The following TECPR2 variants were observed in gnomAD, a reference collection of about 807,000 sequenced individuals.
The protein encoded by TECPR2 is tectonin beta-propeller repeat containing 2, also known as tectonin beta-propeller repeat-containing protein 2.
A neutral mutation model predicts 138.1 loss-of-function variants in TECPR2; 65 were observed. The observed-to-expected ratio is 0.47, with a 90% CI of 0.39 to 0.58. The LOEUF is 0.58. Among genes scored for constraint, TECPR2 ranks in the 20% least tolerant of loss-of-function variants. The pLI is 0.00. For synonymous variants in TECPR2, 746 were observed against 749.8 expected (o/e 0.99, Z 0.08); for missense variants, 1,553 against 1,824.5 (o/e 0.85, Z 2.71).
At chr14:102,412,488 TA>T (rs1888908787) in intron 4 of TECPR2, among the ~76,000 whole-genome samples, 1 of 152,114 alleles carries the variant, frequency 6.6e-6, no homozygotes, top group Non-Finnish European at 1.5e-5. Flanking sequence ...AACATCATTG[TA>T]ATCGGGAAAG....
intron 16 of TECPR2, among the ~76,000 whole-genome samples, chr14:102,455,866 G>A (rs934358117): frequency 1.3e-5 from 2 of 152,100 alleles, no homozygotes; most frequent in African/African-American, 2.4e-5. Flanking sequence ...GCCTGCCTCC[G>A]CCTCCCAAAG....
At position 102,441,696 on chromosome 14, in the gene TECPR2, A is replaced by G. The variant is rs561655771; in HGVS notation, c.2752+1087A>G. ...ACAGGGCGAGACTCCGTCTCAAAAC[A>G]AAACAAAACAAAAATAGCAGTTCAG... On this transcript the variant is annotated intron_variant, in intron 11 of 19. Transcript: ENST00000359520. Among the ~76,000 whole-genome samples, 95 of 152,210 alleles carry G rather than the reference A, an allele frequency of 6.2e-4. No individual in the cohort carries two copies. The Middle Eastern group carries it at 0.01, about 16-fold the overall frequency.
chr14:102,479,302 T>C (rs906502023), intron 17 of TECPR2, among the ~76,000 whole-genome samples: 1 of 152,190 alleles, frequency 6.6e-6, no homozygotes, highest in Non-Finnish European at 1.5e-5. Context: ...TTGGGAGGAC[T>C]GTCTGCTGCT....
intron 2 of TECPR2, among the ~76,000 whole-genome samples, chr14:102,396,453 C>T (rs1418711946): frequency 6.6e-6 from 1 of 152,094 alleles, no homozygotes; most frequent in East Asian, 1.9e-4. Flanking sequence ...TCAGCATTTT[C>T]GTCATTAGAA....
rs565236204 is a variant in TECPR2 at position 102,428,222 on chromosome 14, G to GTTTTTTTTTTTTTTTT, written c.952-21_952-6dup. 179 of 1,058,628 alleles carry GTTTTTTTTTTTTTTTT rather than the reference G, an allele frequency of 1.7e-4. 8 individuals carry two copies. Among genetic ancestry groups the GTTTTTTTTTTTTTTTT allele is most frequent in the South Asian group, 6.8e-4 (35 of 51,644 alleles). 65.6% of individuals were successfully genotyped at this position (1,058,628 alleles called of 1,614,324 possible). ...ACCGTTGTTTAGTTTTGTGTTTTTT[G>GTTTTTTTTTTTTTTTT]TTTTTTTTTTTTTTTTTTTTTTGAC... is the stretch of plus-strand genomic sequence containing the variant. On this transcript the variant is annotated intron_variant, in intron 6 of 19. Transcript: ENST00000359520.
At chr14:102,469,837 T>G (rs2139775904) in intron 17 of TECPR2, among the ~76,000 whole-genome samples, 1 of 152,324 alleles carries the variant, frequency 6.6e-6, no homozygotes, top group Middle Eastern at 3.4e-3. Flanking sequence ...GCTTTTTCTA[T>G]GCCTATTGAG....
At chr14:102,493,323 G>A (rs1008153809) in intron 17 of TECPR2, among the ~76,000 whole-genome samples, 4 of 152,108 alleles carry the variant, frequency 2.6e-5, no homozygotes, top group African/African-American at 4.8e-5. Flanking sequence ...TCTTCTCCAC[G>A]CGGCCTTCCG....
chr14:102,478,901 C>G (rs1890824706), intron 17 of TECPR2, among the ~76,000 whole-genome samples: 1 of 151,404 alleles, frequency 6.6e-6, no homozygotes, highest in Non-Finnish European at 1.5e-5. Context: ...CCTGTAATTT[C>G]AGCTACTCGG....
intron 16 of TECPR2, among the ~76,000 whole-genome samples, chr14:102,454,160 A>C (rs1890220123): frequency 6.7e-6 from 1 of 148,150 alleles, no homozygotes; most frequent in South Asian, 2.1e-4. Context: ...TCTCAAAAGA[A>C]AAAAAAAAAA....
chr14:102,489,493 TCAGGAGTTCAAGAC>T (rs1484010232), intron 17 of TECPR2, among the ~76,000 whole-genome samples: 1 of 151,794 alleles, frequency 6.6e-6, no homozygotes, highest in Non-Finnish European at 1.5e-5. Context: ...GATCACAAGG[TCAGGAGTTCAAGAC>T]CAGCCTGGCC....
chr14:102,385,691 T>A (rs1049895794), intron 2 of TECPR2, among the ~76,000 whole-genome samples: 3 of 152,068 alleles, frequency 2.0e-5, no homozygotes, highest in Non-Finnish European at 4.4e-5. Context: ...CCCAGCACTT[T>A]GGGAGGCCGA....
intron 2 of TECPR2, among the ~76,000 whole-genome samples, chr14:102,378,720 G>C (rs1887708095): frequency 6.6e-6 from 1 of 152,066 alleles, no homozygotes; most frequent in African/African-American, 2.4e-5. Flanking sequence ...CACCTCCCAG[G>C]TTCAAGCAAT....
intron 10 of TECPR2, chr14:102,438,612 G>C (rs1458497972): frequency 5.7e-6 from 1 of 174,322 alleles, no homozygotes; most frequent in Admixed American, 6.0e-5. Flanking sequence ...TAACGAAGAC[G>C]GGCCTATGGA....
In TECPR2 at chr14:102,410,698, C is replaced by G. The variant is rs552928894; in HGVS notation, c.480+2079C>G. 4.6e-5 allele frequency among the ~76,000 whole-genome samples: 7 copies of G among 152,282 alleles called. No individual in the cohort carries two copies. The South Asian group carries it at 1.4e-3, about 32-fold the overall frequency. On this transcript the variant is annotated intron_variant, in intron 4 of 19. Transcript: ENST00000359520. ...CACTAGACCAACTTAGACTGTGCCCCCCCTCAAAAAAAAAAAACTTGTCAT... is the reference window on the plus strand; with the variant it reads ...CACTAGACCAACTTAGACTGTGCCCGCCCTCAAAAAAAAAAAACTTGTCAT...
At chr14:102,389,601 G>T (rs955244017) in intron 2 of TECPR2, among the ~76,000 whole-genome samples, 1 of 152,216 alleles carries the variant, frequency 6.6e-6, no homozygotes, top group African/African-American at 2.4e-5. Flanking sequence ...TTCAGTAAAT[G>T]ATGTGGGACA....
intron 2 of TECPR2, among the ~76,000 whole-genome samples, chr14:102,406,633 C>A (rs1486286455): frequency 6.6e-6 from 1 of 152,096 alleles, no homozygotes; most frequent in Non-Finnish European, 1.5e-5. Context: ...GCAGGAAGAT[C>A]CCTTGTGCCC....
chr14:102,463,448 C>CA (rs969897459), intron 16 of TECPR2, among the ~76,000 whole-genome samples: 1 of 134,356 alleles, frequency 7.4e-6, no homozygotes, highest in Admixed American at 7.5e-5. Flanking sequence ...AAGAAAAAAA[C>CA]AAAAAAACAG....
chr14:102,448,329 A>G (rs894999980), intron 13 of TECPR2, among the ~76,000 whole-genome samples: 2 of 152,246 alleles, frequency 1.3e-5, no homozygotes, highest in African/African-American at 4.8e-5. Flanking sequence ...GTGAGTGAAC[A>G]TCATGGAGAA....
intron 4 of TECPR2, among the ~76,000 whole-genome samples, chr14:102,409,128 A>C (rs1467514497): frequency 6.6e-6 from 1 of 152,214 alleles, no homozygotes; most frequent in Non-Finnish European, 1.5e-5. Flanking sequence ...GCTTGCTTTC[A>C]AACTGTGCTT....
Sources: gnomAD v4.1 joint callset for allele counts (sites outside exome capture counted in the v4.1 genomes callset) on GRCh38, gnomAD v4.1.1 for gene constraint, MANE v1.5 for transcripts, NCBI Gene and HGNC (gene_info 2026-07-23, HGNC 2026-07-21) for gene names.